The following TMPRSS11F variants were observed in gnomAD, a reference collection of about 807,000 sequenced individuals.
The protein encoded by TMPRSS11F is transmembrane protease serine 11F.
In TMPRSS11F, 47 loss-of-function variants were observed where a neutral mutation model predicts 60.2. The observed-to-expected ratio is 0.78, with a 90% confidence interval of 0.62 to 1.00. The LOEUF (loss-of-function observed/expected upper bound fraction) is 1.00, where lower values mean the gene tolerates loss of function less well. TMPRSS11F is among the 50% of genes least tolerant of loss of function. The probability of loss-of-function intolerance (pLI) is 0.00; values close to 1 mark genes in which losing one functional copy is unlikely to be tolerated. For missense variants in TMPRSS11F, 519 were observed against 522.9 expected, an observed-to-expected ratio of 0.99 and a Z score of 0.07; for synonymous variants, 166 against 167.3, an observed-to-expected ratio of 0.99 and a Z score of 0.06.
In TMPRSS11F at chr4:68,079,278, T is replaced by C. The variant is rs1723646403; in HGVS notation, c.283-5269A>G. Among the ~76,000 whole-genome samples the C allele has an allele frequency of 3.9e-5, 6 of 152,078 alleles. No individual in the cohort carries two copies. The South Asian group carries it at 1.2e-3, about 32-fold the overall frequency. ...AAGGTGGCACAGGAAGTGGTGGCTC[T>C]GTAATATGAACCCAGGGAAGCCATC... On this transcript the variant is annotated intron_variant, in intron 3 of 9. Transcript: ENST00000356291.
intron 4 of TMPRSS11F, among the ~76,000 whole-genome samples, chr4:68,073,443 G>C (rs942168823): frequency 1.3e-5 from 2 of 151,948 alleles, no homozygotes; most frequent in Non-Finnish European, 2.9e-5. Flanking sequence ...AGGAGAGAGG[G>C]AGGAGAGAAA....
intron 1 of TMPRSS11F, among the ~76,000 whole-genome samples, chr4:68,128,583 G>T (rs1007976868): frequency 1.3e-5 from 2 of 151,914 alleles, no homozygotes; most frequent in Non-Finnish European, 2.9e-5. Flanking sequence ...GAATCAGGCT[G>T]ATAAAAAACA....
intron 3 of TMPRSS11F, chr4:68,080,530 G>A (rs1723676730): frequency 6.6e-6 from 1 of 152,192 alleles, no homozygotes; most frequent in African/African-American, 2.4e-5. Flanking sequence ...ATGTCTGGTA[G>A]GCTATGCTCC....
intron 2 of TMPRSS11F, among the ~76,000 whole-genome samples, chr4:68,091,485 T>C (rs1723930244): frequency 6.6e-6 from 1 of 152,150 alleles, no homozygotes; most frequent in African/African-American, 2.4e-5. Flanking sequence ...ACCAAACCTT[T>C]GTCATGAGTT....
intron 7 of TMPRSS11F, 116 bp downstream of exon 7, chr4:68,068,502 G>T: frequency 2.5e-6 from 2 of 800,448 alleles, no homozygotes; most frequent in South Asian, 1.6e-5. Flanking sequence ...GGACAGCTAG[G>T]TCTACCCTGA....
intron 1 of TMPRSS11F, among the ~76,000 whole-genome samples, chr4:68,105,093 T>C (rs888824040): frequency 9.7e-5 from 13 of 134,500 alleles, no homozygotes; most frequent in Admixed American, 7.4e-4. Flanking sequence ...TTGGGAAGTA[T>C]TGGTATCAAT....
At chr4:68,123,049 T>A (rs1448916020) in intron 1 of TMPRSS11F, among the ~76,000 whole-genome samples, 1 of 152,146 alleles carries the variant, frequency 6.6e-6, no homozygotes, top group Non-Finnish European at 1.5e-5. Flanking sequence ...TCAGAGTAAA[T>A]AAATCCCCAC....
intron 6 of TMPRSS11F, among the ~76,000 whole-genome samples, chr4:68,069,143 T>A (rs1723399374): frequency 6.6e-6 from 1 of 152,144 alleles, no homozygotes; most frequent in Admixed American, 6.5e-5. Flanking sequence ...ACCTTTTAGA[T>A]GAGAAAATTA....
chr4:68,056,810 A>G lies in TMPRSS11F; in HGVS notation c.1158+2516T>C, dbSNP rs865912766. On this transcript the variant is annotated intron_variant, in intron 9 of 9. Transcript: ENST00000356291. ...ATGTCTTATAAAGCAATTGTAATCA[A>G]CATAGTGTGGTCCTGGCATAATAAC... 1.2e-4 allele frequency among the ~76,000 whole-genome samples: 19 copies of G among 152,372 alleles called. 1 individual carries two copies. The highest frequency in any genetic ancestry group is 3.4e-3 in the Middle Eastern group (1 of 294).
At chr4:68,117,445 G>A (rs1268433303) in intron 1 of TMPRSS11F, among the ~76,000 whole-genome samples, 1 of 139,900 alleles carries the variant, frequency 7.1e-6, no homozygotes, top group Non-Finnish European at 1.5e-5. Flanking sequence ...TCCAGCCTGG[G>A]TGACAGAGCG....
At position 68,123,410 on chromosome 4, in the gene TMPRSS11F, C is replaced by T. The variant is rs147038366; in HGVS notation, c.11+6400G>A. On this transcript the variant is annotated intron_variant, in intron 1 of 9. Coordinates refer to ENST00000356291, the MANE Select transcript of TMPRSS11F (RefSeq NM_207407.2). ...GTTAACTTTACTGAAAAAGATTCTG[C>T]TCATTCTGTGAAAAAGTGAAGGTAC... is the stretch of plus-strand genomic sequence containing the variant. Among the ~76,000 whole-genome samples the T allele has an allele frequency of 2.0e-5, 3 of 152,280 alleles. No homozygotes were observed. The East Asian group carries it at 5.8e-4, about 29-fold the overall frequency.
At chr4:68,096,371 C>G (rs555299308) in intron 2 of TMPRSS11F, among the ~76,000 whole-genome samples, 1 of 152,256 alleles carries the variant, frequency 6.6e-6, no homozygotes, top group Admixed American at 6.5e-5. Flanking sequence ...TAAATAGAGG[C>G]ATGAATTCTA....
chr4:68,083,488 A>G (rs1723747555), intron 3 of TMPRSS11F, among the ~76,000 whole-genome samples: 1 of 152,188 alleles, frequency 6.6e-6, no homozygotes, highest in Non-Finnish European at 1.5e-5. Flanking sequence ...TCACAGTCTT[A>G]ATTATAACAC....
intron 3 of TMPRSS11F, among the ~76,000 whole-genome samples, chr4:68,081,541 C>T (rs1397435930): frequency 6.6e-6 from 1 of 152,152 alleles, no homozygotes; most frequent in African/African-American, 2.4e-5. Context: ...GATTGCTTGT[C>T]CTAGGATATG....
rs184891014 is a variant in TMPRSS11F, at chr4:68,100,755, T to A, written c.12-1717A>T. On this transcript the variant is annotated intron_variant, in intron 1 of 9. Coordinates refer to ENST00000356291, the MANE Select transcript of TMPRSS11F (RefSeq NM_207407.2). ...TTTTACGGCCTTTCTCTTTGACTTA[T>A]TTTATTTTAGTTGTGTCACTAATAT... Among the ~76,000 whole-genome samples, 53 of 152,314 alleles carry A rather than the reference T, an allele frequency of 3.5e-4. 2 individuals are homozygous for A. Among genetic ancestry groups the A allele is most frequent in the Admixed American group, 3.3e-3 (51 of 15,280 alleles).
At position 68,059,402 on chromosome 4, in the gene TMPRSS11F, T is replaced by G; in HGVS notation, c.1082A>C (p.Lys361Thr). 6.2e-7 allele frequency: 1 copy of G among 1,614,036 alleles called. No individual in the cohort carries two copies. Among genetic ancestry groups the G allele is most frequent in the Non-Finnish European group, 8.5e-7 (1 of 1,179,988 alleles). The part of the protein sequence containing the change: ...ETISTDVCNR[K>T]DVYDGLITPG... ...AGTTATCAGGCCATCATACACATCC[T>G]TTCTGTTACACACATCAGTGCTTAT... Residue 361 changes from lysine (K) to threonine (T), a missense_variant, in exon 9 of 10, where the codon AAG becomes ACG. By Grantham distance (78) the Lys-to-Thr change is moderately conservative. Transcript: ENST00000356291.
Position 68,097,446 on chromosome 4 carries a change from T to C in TMPRSS11F, c.163+1441A>G, listed in dbSNP as rs569327224. Among the ~76,000 whole-genome samples the C allele has an allele frequency of 1.1e-3, 170 of 152,286 alleles. 1 individual carries two copies. Among genetic ancestry groups the C allele is most frequent in the African/African-American group, 3.8e-3 (160 of 41,572 alleles). On this transcript the variant is annotated intron_variant, in intron 2 of 9. Transcript: ENST00000356291. Reference sequence around the variant, plus strand: ...TTTTGTTGTTCTTCCTCCTTTGACCTTCTTTCCTCCCTTTTATTAGGACCC... The same window carrying C: ...TTTTGTTGTTCTTCCTCCTTTGACCCTCTTTCCTCCCTTTTATTAGGACCC...
At chr4:68,086,575 A>G (rs1442764216) in intron 3 of TMPRSS11F, among the ~76,000 whole-genome samples, 1 of 152,144 alleles carries the variant, frequency 6.6e-6, no homozygotes, top group African/African-American at 2.4e-5. Flanking sequence ...AAAAAGATCA[A>G]CAAAACCAAA....
intron 7 of TMPRSS11F, among the ~76,000 whole-genome samples, chr4:68,068,178 T>A (rs77015854): frequency 0.041 from 6,204 of 152,110 alleles, 375 homozygotes; most frequent in African/African-American, 0.13. Context: ...CAATGAGAAG[T>A]GAGAACTTCA....
Sources: gnomAD v4.1 joint callset for allele counts (sites outside exome capture counted in the v4.1 genomes callset) on GRCh38, gnomAD v4.1.1 for gene constraint, MANE v1.5 for transcripts, NCBI Gene and HGNC (gene_info 2026-07-23, HGNC 2026-07-21) for gene names.